The following INTS8 variants were observed in gnomAD, a reference collection of about 807,000 sequenced individuals.
The protein encoded by INTS8 is integrator complex subunit 8.
A neutral mutation model predicts 138.9 loss-of-function variants in INTS8; 47 were observed. That is an observed-to-expected ratio of 0.34 (90% CI 0.27 to 0.43). The LOEUF is 0.43. Among genes scored for constraint, INTS8 ranks in the 20% least tolerant of loss-of-function variants. The pLI, the probability that INTS8 is intolerant of heterozygous loss-of-function variation, is 1.00. For synonymous variants in INTS8, 392 were observed against 400.9 expected, an observed-to-expected ratio of 0.98 and a Z score of 0.27; for missense variants, 996 against 1,173.0, an observed-to-expected ratio of 0.85 and a Z score of 2.20.
At chr8:94,879,351 T>C (rs1364418455) in intron 26 of INTS8, among the ~76,000 whole-genome samples, 1 of 152,094 alleles carries the variant, frequency 6.6e-6, no homozygotes, top group Non-Finnish European at 1.5e-5. Flanking sequence ...TCCCACCACT[T>C]TGGGAGGCTG....
chr8:94,852,542 C>T (rs1185627681), intron 13 of INTS8, among the ~76,000 whole-genome samples: 1 of 151,696 alleles, frequency 6.6e-6, no homozygotes, highest in Admixed American at 6.6e-5. Flanking sequence ...TACATACTTA[C>T]TCCTCCCCTG....
chr8:94,836,223 T>C (rs1814922745), intron 6 of INTS8, among the ~76,000 whole-genome samples: 1 of 152,190 alleles, frequency 6.6e-6, no homozygotes, highest in African/African-American at 2.4e-5. Flanking sequence ...CAGACTAGTG[T>C]TGGCTCTCAT....
Position 94,826,286 on chromosome 8 carries a change from T to A in INTS8, c.306-977T>A, listed in dbSNP as rs192921375. 4.5e-3 allele frequency among the ~76,000 whole-genome samples: 658 copies of A among 145,634 alleles called. 26 individuals are homozygous for A. The East Asian group carries it at 0.09, about 20-fold the overall frequency. ...TAAATATTAGAATTTTTAAAGTGAA[T>A]TTTTTTTTTTTTTGAGACGGAGTCT... On this transcript the variant is annotated intron_variant, in intron 2 of 26. Transcript: ENST00000523731.
chr8:94,837,258 G>T (rs191555482), intron 7 of INTS8, among the ~76,000 whole-genome samples: 1 of 151,960 alleles, frequency 6.6e-6, no homozygotes, highest in East Asian at 1.9e-4. Context: ...TTCCTAATAT[G>T]GGTAAACATT....
At chr8:94,871,339 G>T (rs1256841777) in intron 20 of INTS8, among the ~76,000 whole-genome samples, 1 of 151,430 alleles carries the variant, frequency 6.6e-6, no homozygotes, top group Non-Finnish European at 1.5e-5. Context: ...TTAGCTGGGT[G>T]TGGTGGTGAG....
rs772455387 is a variant in INTS8, at chr8:94,841,591, GGTAA to G, written c.1118+7_1118+10del. On this transcript the variant is annotated splice_donor_variant and splice_donor_region_variant and intron_variant, in intron 9 of 26. Coordinates refer to ENST00000523731, the MANE Select transcript of INTS8 (RefSeq NM_017864.4). LOFTEE classifies it high-confidence loss of function. Reference sequence around the variant, plus strand: ...GAACTCTTTAAGAAAGCTCAACAGGGGTAAGTAAGTTGAAAAATTACTTCTTGAT... The same window carrying G: ...GAACTCTTTAAGAAAGCTCAACAGGGGTAAGTTGAAAAATTACTTCTTGAT... 30 of 1,509,672 alleles carry G rather than the reference GGTAA, an allele frequency of 2.0e-5. No individual in the cohort carries two copies. Among genetic ancestry groups the G allele is most frequent in the African/African-American group, 4.2e-5 (3 of 71,504 alleles). 93.5% of individuals were successfully genotyped at this position (1,509,672 alleles called of 1,614,324 possible).
At chr8:94,865,480 T>C in intron 16 of INTS8, 26 bp from the exon 17 acceptor site, 1 of 1,587,712 alleles carries the variant, frequency 6.3e-7, no homozygotes, top group Middle Eastern at 1.7e-4. Flanking sequence ...GATTATCTTT[T>C]GTGTATTTTG....
At chr8:94,874,642 A>C in intron 23 of INTS8, 40 bp downstream of exon 23, 5 of 1,146,456 alleles carry the variant, frequency 4.4e-6, no homozygotes, top group Non-Finnish European at 3.9e-6. Context: ...ATTTTTACAT[A>C]TGTTAGAGTT....
At chr8:94,829,682 G>A (rs1019255553) in intron 5 of INTS8, among the ~76,000 whole-genome samples, 3 of 152,044 alleles carry the variant, frequency 2.0e-5, no homozygotes, top group Non-Finnish European at 4.4e-5. Flanking sequence ...GTGACATTAA[G>A]GTTTTTACTA....
In INTS8 at chr8:94,872,297, G is replaced by T. The variant is rs536948609; in HGVS notation, c.2533+295G>T. ...TGCCCAGGCTGGAGTGAAGTGGCAC[G>T]ATCTTGGCTCACTGCAAACTCCGCC... On this transcript the variant is annotated intron_variant, in intron 21 of 26. Coordinates refer to ENST00000523731, the MANE Select transcript of INTS8 (RefSeq NM_017864.4). 3.9e-5 allele frequency among the ~76,000 whole-genome samples: 6 copies of T among 152,066 alleles called. No homozygotes were observed. The East Asian group carries it at 5.8e-4, about 15-fold the overall frequency.
chr8:94,860,774 G>A (rs117233716), intron 16 of INTS8, among the ~76,000 whole-genome samples: 4,053 of 151,186 alleles, frequency 0.027, 71 homozygotes, highest in Non-Finnish European at 0.04. Flanking sequence ...CCTTTAAATC[G>A]GCTGGGTGCA....
intron 6 of INTS8, 57 bp downstream of exon 6, chr8:94,832,231 G>A: frequency 8.2e-7 from 1 of 1,212,858 alleles, no homozygotes; most frequent in Admixed American, 2.1e-5. Flanking sequence ...CTTAATATGA[G>A]ATCATCCTCC....
intron 13 of INTS8, among the ~76,000 whole-genome samples, chr8:94,852,645 A>G (rs1003785394): frequency 2.6e-5 from 4 of 151,656 alleles, no homozygotes; most frequent in Non-Finnish European, 5.9e-5. Flanking sequence ...CTGGAGTGCA[A>G]TGGTGCGATC....
chr8:94,844,503 G>A (rs1469984025), intron 10 of INTS8, among the ~76,000 whole-genome samples: 3 of 151,870 alleles, frequency 2.0e-5, no homozygotes, highest in African/African-American at 4.8e-5. Flanking sequence ...TTTTAGTAGC[G>A]ACGGGGTTTT....
In INTS8 at chr8:94,856,902, G is replaced by A. The variant is rs1586505284; in HGVS notation, c.1878G>A (p.Gly626=). The change falls in exon 15 of 27, where the codon GGG becomes GGA. Residue 626 remains glycine (G), a synonymous_variant. Transcript: ENST00000523731. The part of the protein sequence containing the change: ...LLLDIHTHEA[G]TGQAGERPPS... ...TGGATATTCATACACACGAAGCTGG[G>A]ACAGGGCAGGCAGGAGAGAGACCGC... The A allele has an allele frequency of 9.9e-6, 16 of 1,614,034 alleles. No individual in the cohort carries two copies. Among genetic ancestry groups the A allele is most frequent in the Non-Finnish European group, 1.3e-5 (15 of 1,180,030 alleles).
intron 8 of INTS8, among the ~76,000 whole-genome samples, chr8:94,840,364 G>A (rs1304276308): frequency 1.3e-5 from 2 of 152,194 alleles, no homozygotes; most frequent in Admixed American, 1.3e-4. Context: ...TTAATTTTCA[G>A]ATATCTCCTT....
At chr8:94,838,126 A>C (rs1815000216) in intron 7 of INTS8, among the ~76,000 whole-genome samples, 1 of 147,884 alleles carries the variant, frequency 6.8e-6, no homozygotes, top group Non-Finnish European at 1.5e-5. Context: ...GGCTCACTGC[A>C]ACCTCCACCT....
chr8:94,855,507 G>A (rs1018202915), intron 14 of INTS8, among the ~76,000 whole-genome samples: 4 of 152,132 alleles, frequency 2.6e-5, no homozygotes, highest in Non-Finnish European at 5.9e-5. Flanking sequence ...AGTTTTAATA[G>A]GAGGAATGTA....
intron 12 of INTS8, 42 bp from the exon 13 acceptor site, chr8:94,851,511 A>G (rs1260769389): frequency 2.2e-6 from 3 of 1,367,546 alleles, no homozygotes; most frequent in East Asian, 5.0e-5. Context: ...ATTCTCGTGT[A>G]TATCTTTGAA....
Sources: allele counts gnomAD v4.1 joint callset (sites outside exome capture counted in the v4.1 genomes callset), GRCh38; gene constraint gnomAD v4.1.1; transcripts MANE v1.5; gene names NCBI Gene and HGNC (gene_info 2026-07-23, HGNC 2026-07-21).